Variants in FOXN3 observed in about 807,000 individuals in gnomAD.
FOXN3 encodes the protein forkhead box N3.
FOXN3 carries 7 observed loss-of-function variants against 38.4 expected under a neutral mutation model. The ratio of observed to expected loss-of-function variants is 0.18; its 90% CI spans 0.10 to 0.34. FOXN3 has a LOEUF of 0.34. Ranked by LOEUF, FOXN3 falls within the 10% of genes least tolerant of loss-of-function variation. The pLI, the probability that FOXN3 is intolerant of heterozygous loss-of-function variation, is 1.00. For missense variants in FOXN3, 456 were observed against 613.4 expected, an observed-to-expected ratio of 0.74 and a Z score of 2.71; for synonymous variants, 230 against 242.2, an observed-to-expected ratio of 0.95 and a Z score of 0.47.
At chr14:89,381,964 C>G (rs1372645194) in intron 2 of FOXN3, among the ~76,000 whole-genome samples, 2 of 152,108 alleles carry the variant, frequency 1.3e-5, no homozygotes, top group Non-Finnish European at 2.9e-5. Flanking sequence ...GGTGTGTCTG[C>G]AGCCCACACA....
intron 1 of FOXN3, among the ~76,000 whole-genome samples, chr14:89,506,332 TCAGCCCCCCGCC>T (rs1262490659): frequency 1.6e-5 from 1 of 61,190 alleles, no homozygotes; most frequent in Admixed American, 2.2e-4. Context: ...GGTGGGGGGG[TCAGCCCCCCGCC>T]CGGCCAGCCG....
intron 5 of FOXN3, among the ~76,000 whole-genome samples, chr14:89,167,870 A>G (rs1351607710): frequency 6.6e-6 from 1 of 152,304 alleles, no homozygotes; most frequent in Non-Finnish European, 1.5e-5. Context: ...CAAGAACCCA[A>G]ACTCACTCAG....
intron 1 of FOXN3, among the ~76,000 whole-genome samples, chr14:89,507,274 G>A (rs1009597448): frequency 1.3e-5 from 2 of 152,186 alleles, no homozygotes; most frequent in African/African-American, 4.8e-5. Context: ...GTAAGCATTG[G>A]GCTAATCTGG....
At chr14:89,175,933 C>T (rs1055849613) in intron 5 of FOXN3, among the ~76,000 whole-genome samples, 2 of 152,156 alleles carry the variant, frequency 1.3e-5, no homozygotes, top group Non-Finnish European at 2.9e-5. Flanking sequence ...ACTCCTCCTT[C>T]CCAAGAAGGC....
At chr14:89,602,140 T>C (rs1046018322) in intron 1 of FOXN3, among the ~76,000 whole-genome samples, 7 of 151,966 alleles carry the variant, frequency 4.6e-5, no homozygotes, top group African/African-American at 1.5e-4. Context: ...AATACAAAAA[T>C]TAGCTGGGCA....
At chr14:89,301,755 GA>G (rs1348307544) in intron 3 of FOXN3, among the ~76,000 whole-genome samples, 1 of 152,064 alleles carries the variant, frequency 6.6e-6, no homozygotes, top group East Asian at 1.9e-4. Context: ...GCTACAGAGT[GA>G]GACTCTGTCT....
intron 2 of FOXN3, among the ~76,000 whole-genome samples, chr14:89,363,849 T>A (rs1444920940): frequency 6.6e-6 from 1 of 150,890 alleles, no homozygotes; most frequent in Non-Finnish European, 1.5e-5. Flanking sequence ...GAGGCTGAGA[T>A]GGGAGGACTG....
chr14:89,579,521 T>C (rs1895703596), intron 1 of FOXN3, among the ~76,000 whole-genome samples: 1 of 152,130 alleles, frequency 6.6e-6, no homozygotes, highest in Non-Finnish European at 1.5e-5. Flanking sequence ...TCTAGTAGTT[T>C]CCCAATATAC....
At chr14:89,535,270 C>T (rs1217302348) in intron 1 of FOXN3, among the ~76,000 whole-genome samples, 28 of 149,630 alleles carry the variant, frequency 1.9e-4, no homozygotes, top group Non-Finnish European at 8.9e-5. Flanking sequence ...CTTCAAGAAA[C>T]AGTCCATATA....
At position 89,310,967 on chromosome 14, in the gene FOXN3, G is replaced by A. The variant is rs1003896354; in HGVS notation, c.681-29953C>T. Among the ~76,000 whole-genome samples the A allele has an allele frequency of 7.2e-5, 11 of 151,762 alleles. No homozygotes were observed. The East Asian group carries it at 1.7e-3, about 24-fold the overall frequency. ...ACTAAAAATACAAAATTAGCCGGGC[G>A]TGGCAGAGCACACCTGTAATCTCAG... On this transcript the variant is annotated intron_variant, in intron 3 of 5. Coordinates refer to ENST00000557258, the MANE Select transcript of FOXN3 (RefSeq NM_005197.4).
intron 4 of FOXN3, among the ~76,000 whole-genome samples, chr14:89,237,248 T>C (rs1173765552): frequency 1.3e-5 from 2 of 152,230 alleles, no homozygotes; most frequent in East Asian, 3.8e-4. Context: ...TTCAACATTA[T>C]TATCCATTTG....
intron 1 of FOXN3, among the ~76,000 whole-genome samples, chr14:89,584,707 CTCTTT>C (rs1226440632): frequency 2.6e-5 from 4 of 151,736 alleles, no homozygotes; most frequent in South Asian, 2.1e-4. Context: ...TTCTTCTCTT[CTCTTT>C]TCTTTTCTTT....
At chr14:89,252,076 A>G (rs1392914040) in intron 4 of FOXN3, among the ~76,000 whole-genome samples, 1 of 152,236 alleles carries the variant, frequency 6.6e-6, no homozygotes, top group African/African-American at 2.4e-5. Context: ...ACACTTGGCC[A>G]TTTAAATGAT....
intron 1 of FOXN3, among the ~76,000 whole-genome samples, chr14:89,511,189 C>CTTTCTTTCTTTCT (rs1566680988): frequency 7.0e-5 from 1 of 14,224 alleles, no homozygotes; most frequent in African/African-American, 1.1e-4. Flanking sequence ...TTCTTTCTTT[C>CTTTCTTTCTTTCT]TTTTCTTTCT....
intron 4 of FOXN3, among the ~76,000 whole-genome samples, chr14:89,239,032 G>A (rs905864819): frequency 2.0e-5 from 3 of 152,166 alleles, no homozygotes; most frequent in Non-Finnish European, 4.4e-5. Context: ...AAGAGACTGC[G>A]AATGATCAAC....
intron 1 of FOXN3, among the ~76,000 whole-genome samples, chr14:89,566,446 T>TTA (rs879777319): frequency 0.013 from 1,901 of 151,796 alleles, 47 homozygotes; most frequent in African/African-American, 0.043. Flanking sequence ...ATAATTTTTT[T>TTA]AAAAAAAAAT....
At chr14:89,526,331 C>A (rs1347629663) in intron 1 of FOXN3, among the ~76,000 whole-genome samples, 1 of 152,022 alleles carries the variant, frequency 6.6e-6, no homozygotes, top group Non-Finnish European at 1.5e-5. Context: ...AAATTGTATT[C>A]AAAGATTATG....
At chr14:89,231,203 T>G (rs75877108) in intron 4 of FOXN3, among the ~76,000 whole-genome samples, 6,567 of 152,056 alleles carry the variant, frequency 0.043, 303 homozygotes, top group African/African-American at 0.11. Context: ...TATACTCTTT[T>G]CTTTCTAATG....
chr14:89,218,735 G>C (rs1173727110), intron 4 of FOXN3, among the ~76,000 whole-genome samples: 1 of 152,108 alleles, frequency 6.6e-6, no homozygotes, highest in Non-Finnish European at 1.5e-5. Context: ...TCTGGCTGTG[G>C]ACATGTGGGG....
Sources: allele counts gnomAD v4.1 joint callset (sites outside exome capture counted in the v4.1 genomes callset), GRCh38; gene constraint gnomAD v4.1.1; transcripts MANE v1.5; gene names NCBI Gene and HGNC (gene_info 2026-07-23, HGNC 2026-07-21).